BCL9: variants seen among roughly 807,000 people sequenced by gnomAD.
BCL9 encodes the protein B-cell CLL/lymphoma 9 protein.
BCL9 carries 25 observed loss-of-function variants against 88.5 expected under a neutral mutation model. The observed-to-expected ratio is 0.28, with a 90% CI of 0.21 to 0.39. The LOEUF is 0.39. Among genes scored for constraint, BCL9 ranks in the 10% least tolerant of loss-of-function variants. The pLI, the probability that BCL9 is intolerant of heterozygous loss-of-function variation, is 1.00. For missense variants in BCL9, 1,817 were observed against 1,877.8 expected (o/e 0.97, Z 0.60); for synonymous variants, 711 against 673.3 (o/e 1.06, Z -0.87).
chr1:147,566,678 C>A (rs1487850426), intron 1 of BCL9, among the ~76,000 whole-genome samples: 14 of 152,106 alleles, frequency 9.2e-5, no homozygotes, highest in African/African-American at 3.4e-4. Flanking sequence ...ACTGCGTGAA[C>A]CCGGGAGGCG....
chr1:147,577,594 T>G (rs888668225), intron 1 of BCL9, among the ~76,000 whole-genome samples: 2 of 152,200 alleles, frequency 1.3e-5, no homozygotes, highest in African/African-American at 4.8e-5. Flanking sequence ...ATTTTGTGTC[T>G]CAATTTTTGG....
chr1:147,586,693 CAAGCCCG>C (rs1553199263), intron 1 of BCL9, among the ~76,000 whole-genome samples: 1 of 152,152 alleles, frequency 6.6e-6, no homozygotes, highest in African/African-American at 2.4e-5. Context: ...AGGCTTTTCC[CAAGCCCG>C]TAGTCTTCAG....
At chr1:147,546,421 G>A (rs1553194265) in intron 1 of BCL9, among the ~76,000 whole-genome samples, 2 of 151,154 alleles carry the variant, frequency 1.3e-5, no homozygotes, top group Non-Finnish European at 2.9e-5. Context: ...AGTGTTCATC[G>A]AAAAAAGGGA....
chr1:147,570,488 C>T (rs1553197261), intron 1 of BCL9, among the ~76,000 whole-genome samples: 1 of 152,110 alleles, frequency 6.6e-6, no homozygotes, highest in Non-Finnish European at 1.5e-5. Context: ...CAGGTGGAAG[C>T]TTTGCAGTAT....
intron 1 of BCL9, among the ~76,000 whole-genome samples, chr1:147,556,399 C>T (rs1220274817): frequency 1.3e-5 from 2 of 151,868 alleles, no homozygotes; most frequent in Non-Finnish European, 2.9e-5. Flanking sequence ...GCTGGGATTA[C>T]AGGCGTGAGC....
intron 1 of BCL9, among the ~76,000 whole-genome samples, chr1:147,593,380 T>C (rs1391862761): frequency 1.3e-5 from 2 of 152,228 alleles, no homozygotes; most frequent in East Asian, 3.8e-4. Context: ...CTTTGCACAT[T>C]GCTGAGTCCT....
chr1:147,601,657 T>C (rs895165932), intron 1 of BCL9, among the ~76,000 whole-genome samples: 5 of 152,188 alleles, frequency 3.3e-5, no homozygotes, highest in African/African-American at 4.8e-5. Flanking sequence ...TGAATACTAG[T>C]GATTGGAAAG....
chr1:147,621,166 CTT>C (rs1359279653), intron 8 of BCL9, 109 bp downstream of exon 8: 4 of 1,248,114 alleles, frequency 3.2e-6, no homozygotes, highest in Non-Finnish European at 4.4e-6. Flanking sequence ...AGGAGGCAGT[CTT>C]TGTTGAAATG....
intron 7 of BCL9, among the ~76,000 whole-genome samples, chr1:147,617,918 T>TA (rs1308185503): frequency 6.6e-6 from 1 of 152,182 alleles, no homozygotes; most frequent in Non-Finnish European, 1.5e-5. Context: ...ACCCAGAACA[T>TA]ACACATCTCT....
chr1:147,619,465 A>T lies in BCL9; in HGVS notation c.1310A>T (p.Asp437Val). 6.2e-7 allele frequency: 1 copy of T among 1,613,964 alleles called. No individual in the cohort carries two copies. The highest frequency in any genetic ancestry group is 8.5e-7 in the Non-Finnish European group (1 of 1,179,988). Residue 437 changes from aspartate (D) to valine (V), a missense_variant, in exon 8 of 10, where the codon GAT becomes GTT. Asp to Val is a radical substitution (Grantham distance 152). Around this residue, in one of 2 missense-constraint regions of BCL9, gnomAD observed 1,228 missense variants for 1,191.6 expected, o/e 1.03. Transcript: ENST00000234739. The surrounding 1 kb of genome is among the most constrained non-coding windows in gnomAD (Gnocchi z 4.1). ...CCATTTGGCCCTCAAGGACATAGAGATGTACCCTTTTCTCCAGATGAAATG... is the reference window on the plus strand; with the variant it reads ...CCATTTGGCCCTCAAGGACATAGAGTTGTACCCTTTTCTCCAGATGAAATG... ...GAPFGPQGHR[D>V]VPFSPDEMVP... is the part of the protein sequence containing the mutation.
rs141021159 is a variant in BCL9, at chr1:147,620,324, T to C, written c.2169T>C (p.Asn723=). The change falls in exon 8 of 10, where the codon AAT becomes AAC. Residue 723 remains asparagine (N), a synonymous_variant. Coordinates refer to ENST00000234739, the MANE Select transcript of BCL9 (RefSeq NM_004326.4). ...GGATGAAGGGAGATGTCAATCTAAATGTCAACATGGGATCCAACTCTCAGA... is the reference window on the plus strand; with the variant it reads ...GGATGAAGGGAGATGTCAATCTAAACGTCAACATGGGATCCAACTCTCAGA... ...PSGMKGDVNL[N]VNMGSNSQMI... 1.7e-4 allele frequency: 274 copies of C among 1,614,102 alleles called. No homozygotes were observed. Among genetic ancestry groups the C allele is most frequent in the Non-Finnish European group, 2.3e-4 (270 of 1,180,046 alleles).
At chr1:147,553,297 CT>C (rs1423588186) in intron 1 of BCL9, among the ~76,000 whole-genome samples, 1 of 152,172 alleles carries the variant, frequency 6.6e-6, no homozygotes, top group East Asian at 1.9e-4. Flanking sequence ...CTTTACTTAG[CT>C]TCTCTTTTCC....
Position 147,611,712 on chromosome 1 carries a change from G to T in BCL9, c.-125G>T. 1 of 866,732 alleles carries T rather than the reference G, an allele frequency of 1.2e-6. No individual in the cohort carries two copies. Among genetic ancestry groups the T allele is most frequent in the Admixed American group, 2.0e-5 (1 of 49,838 alleles). The allele number at this position is 866,732 out of a possible 1,614,324, so 53.7% of individuals were successfully genotyped here. Reference sequence around the variant, plus strand: ...GGAAAAAGGCATACAGGCAGCGAGCGCTAAGGGACGCACCCAGCAAGCAGT... The same window carrying T: ...GGAAAAAGGCATACAGGCAGCGAGCTCTAAGGGACGCACCCAGCAAGCAGT... On this transcript the variant is annotated 5_prime_UTR_variant, in exon 4 of 10. Coordinates refer to ENST00000234739, the MANE Select transcript of BCL9 (RefSeq NM_004326.4).
At chr1:147,584,973 A>G (rs1418148922) in intron 1 of BCL9, among the ~76,000 whole-genome samples, 1 of 152,110 alleles carries the variant, frequency 6.6e-6, no homozygotes, top group Non-Finnish European at 1.5e-5. Context: ...AAAAGAGCAA[A>G]TCTCTGGAAG....
At chr1:147,581,233 G>A (rs1173139378) in intron 1 of BCL9, among the ~76,000 whole-genome samples, 1 of 152,144 alleles carries the variant, frequency 6.6e-6, no homozygotes, top group East Asian at 1.9e-4. Flanking sequence ...ATTAAATGAA[G>A]CAACAGATGT....
At chr1:147,610,661 T>A (rs1188947683) in intron 3 of BCL9, among the ~76,000 whole-genome samples, 1 of 152,176 alleles carries the variant, frequency 6.6e-6, no homozygotes, top group Non-Finnish European at 1.5e-5. Flanking sequence ...GATAATGGGA[T>A]AGTGGTTACA....
intron 1 of BCL9, among the ~76,000 whole-genome samples, chr1:147,599,662 G>C (rs587721549): frequency 3.2e-4 from 48 of 152,312 alleles, no homozygotes; most frequent in African/African-American, 1.1e-3. Context: ...CCGCTTTAAG[G>C]GGGGAGTGGG....
chr1:147,542,862 G>T (rs945489054), intron 1 of BCL9, among the ~76,000 whole-genome samples: 6 of 152,140 alleles, frequency 3.9e-5, no homozygotes, highest in Non-Finnish European at 7.3e-5. Context: ...GTTTTCTGGG[G>T]CTGGCAGGGC....
At chr1:147,576,305 C>T (rs1656110294) in intron 1 of BCL9, among the ~76,000 whole-genome samples, 1 of 152,084 alleles carries the variant, frequency 6.6e-6, no homozygotes, top group African/African-American at 2.4e-5. Flanking sequence ...CTCTCATCTC[C>T]CGGCCACTCT....
Sources: allele counts gnomAD v4.1 joint callset (sites outside exome capture counted in the v4.1 genomes callset), GRCh38; gene constraint gnomAD v4.1.1; regional missense constraint gnomAD v4.1.1; non-coding constraint Gnocchi (gnomAD v3.1); transcripts MANE v1.5; gene names NCBI Gene and HGNC (gene_info 2026-07-23, HGNC 2026-07-21).